HAP1: variants seen among roughly 807,000 people sequenced by gnomAD.
The protein encoded by HAP1 is huntingtin-associated protein 1.
In HAP1, 59 loss-of-function variants were observed where a neutral mutation model predicts 60.3. The observed-to-expected ratio is 0.98, with a 90% confidence interval of 0.79 to 1.22. HAP1 has a LOEUF of 1.22. HAP1 is among the 50% of genes most tolerant of loss of function. HAP1 has a pLI of 0.00. For synonymous variants in HAP1, 346 were observed against 330.6 expected, an observed-to-expected ratio of 1.05 and a Z score of -0.50; for missense variants, 825 against 785.3, an observed-to-expected ratio of 1.05 and a Z score of -0.60.
rs377677729 is a variant in HAP1, at chr17:41,724,847, T to C, written c.1714A>G (p.Met572Val). Residue 572 changes from methionine to valine, a missense_variant, in exon 11 of 11, where the codon ATG becomes GTG. Physicochemically the swap from Met to Val is conservative, Grantham distance 21 (BLOSUM62 1). Coordinates refer to ENST00000347901, the MANE Select transcript of HAP1 (RefSeq NM_177977.3). ...GCCAGCTGCTGGAGGACATAATTCA[T>C]GTCCAGGTGTGAAGGGCCCAAGCCG... The part of the protein sequence containing the change: ...ASGLGPSHLD[M>V]NYVLQQLANW... 20 of 1,613,562 alleles carry C rather than the reference T, an allele frequency of 1.2e-5. No individual in the cohort carries two copies. The highest frequency in any genetic ancestry group is 3.3e-5 in the Admixed American group (2 of 59,998).
Position 41,724,458 on chromosome 17 carries a change from C to T in HAP1, c.*243G>A. ...GAAGCAAGCGGGCAGAGATGGGAAG[C>T]TGAGGCGCAGTGTGGGGGCACAGTC... On this transcript the variant is annotated 3_prime_UTR_variant, in exon 11 of 11. Coordinates refer to ENST00000347901, the MANE Select transcript of HAP1 (RefSeq NM_177977.3). 2.0e-6 allele frequency: 1 copy of T among 508,236 alleles called. No individual in the cohort carries two copies. The highest frequency in any genetic ancestry group is 3.5e-6 in the Non-Finnish European group (1 of 284,630). 31.5% of individuals were successfully genotyped at this position (508,236 alleles called of 1,614,324 possible).
intron 6 of HAP1, 67 bp from the exon 7 acceptor site, chr17:41,728,398 C>A: frequency 6.7e-7 from 1 of 1,496,114 alleles, no homozygotes; most frequent in Non-Finnish European, 9.2e-7. Flanking sequence ...CTGGCCCTCC[C>A]AGATGCCTCT....
At position 41,728,231 on chromosome 17, in the gene HAP1, C is replaced by A; in HGVS notation, c.1170G>T (p.Gln390His). ...QQQEVARLQAQVLKLQQRCRM... is the reference protein window; with the variant it reads ...QQQEVARLQAHVLKLQQRCRM... ...GGCAGCGCTGCTGCAGCTTCAGCAC[C>A]TGGGCCTGCAGCCGAGCGACCTCCT... Residue 390 changes from glutamine (Q) to histidine (H), a missense_variant, in exon 7 of 11, where the codon CAG (glutamine) becomes CAT (histidine). By Grantham distance (24) the Gln-to-His change is conservative. Coordinates refer to ENST00000347901, the MANE Select transcript of HAP1 (RefSeq NM_177977.3). The A allele has an allele frequency of 6.2e-7, 1 of 1,613,142 alleles. No individual in the cohort carries two copies. The highest frequency in any genetic ancestry group is 8.5e-7 in the Non-Finnish European group (1 of 1,180,034).
At chr17:41,719,794 A>G (rs1911124488), downstream of HAP1, among the ~76,000 whole-genome samples, 1 of 152,236 alleles carries the variant, frequency 6.6e-6, no homozygotes, top group South Asian at 2.1e-4. Context: ...TGCATCAAAA[A>G]TCAACATTTT....
At chr17:41,718,447 T>C (rs1173985842), downstream of HAP1, among the ~76,000 whole-genome samples, 1 of 152,160 alleles carries the variant, frequency 6.6e-6, no homozygotes, top group Non-Finnish European at 1.5e-5. Context: ...TGGGCTGCCA[T>C]GTGACCCACA....
rs1271283829 is a variant in HAP1 at position 41,731,952 on chromosome 17, C to G, written c.881G>C (p.Cys294Ser). ...AGGAACTCACAGCTTAGGGGCATCA[C>G]AGGGATGAGCACACTGCAGGTCTTC... ...AEEDLQCAHPCDAPKLISQEA... is the reference protein window; with the variant it reads ...AEEDLQCAHPSDAPKLISQEA... The change falls in exon 4 of 11, where the codon TGT becomes TCT. Residue 294 changes from cysteine (C) to serine (S), a missense_variant. Physicochemically the swap from Cys to Ser is moderately radical, Grantham distance 112 (BLOSUM62 -1). Transcript: ENST00000347901. 3 of 945,198 alleles carry G rather than the reference C, an allele frequency of 3.2e-6. No individual in the cohort carries two copies. Among genetic ancestry groups the G allele is most frequent in the Non-Finnish European group, 5.1e-6 (3 of 590,328 alleles). The allele number at this position is 945,198 out of a possible 1,614,324, so 58.6% of individuals were successfully genotyped here. A position where few individuals can be genotyped will look rare whatever the true frequency, so the allele number is the denominator to read the frequency against.
Position 41,722,984 on chromosome 17 carries a change from T to C in HAP1, c.*1717A>G, listed in dbSNP as rs1342617731. On this transcript the variant is annotated 3_prime_UTR_variant, in exon 11 of 11. Coordinates refer to ENST00000347901, the MANE Select transcript of HAP1 (RefSeq NM_177977.3). ...CAGAGACACTTGTGGTTACAAACAG[T>C]AGGTAGGGACTGAGAAGAAAGGATG... The C allele has an allele frequency of 1.3e-5, 2 of 151,902 alleles. No individual in the cohort carries two copies. The highest frequency in any genetic ancestry group is 2.9e-5 in the Non-Finnish European group (2 of 68,088). 9.4% of individuals were successfully genotyped at this position (151,902 alleles called of 1,614,324 possible). A position where few individuals can be genotyped will look rare whatever the true frequency, so the allele number is the denominator to read the frequency against.
rs782398021 is a variant in HAP1, at chr17:41,732,342, T to C, written c.602A>G (p.Glu201Gly). 21 of 1,613,870 alleles carry C rather than the reference T, an allele frequency of 1.3e-5. No individual in the cohort carries two copies. The highest frequency in any genetic ancestry group is 1.7e-5 in the Non-Finnish European group (20 of 1,179,894). ...GCGAGCTGCAGTGTTCAGGTCCCTC[T>C]CTCTCTGCAGGACCATCCCATAGGT... ...SVTYGMVLQR[E>G]RDLNTAARIG... Residue 201 changes from glutamate (E) to glycine (G), a missense_variant, in exon 3 of 11, where the codon GAG (glutamate) becomes GGG (glycine). Transcript: ENST00000347901.
In HAP1 at chr17:41,734,147, C is replaced by T. The variant is rs1912495988; in HGVS notation, c.469+19G>A. On this transcript the variant is annotated intron_variant, in intron 1 of 10. Coordinates refer to ENST00000347901, the MANE Select transcript of HAP1 (RefSeq NM_177977.3). Reference sequence around the variant, plus strand: ...GCCCCAGTCCCCACCCGGTCCAGGACCCCGGGGGCCCGATTTACCTTCCTC... The same window carrying T: ...GCCCCAGTCCCCACCCGGTCCAGGATCCCGGGGGCCCGATTTACCTTCCTC... 2 of 1,554,570 alleles carry T rather than the reference C, an allele frequency of 1.3e-6. No homozygotes were observed. Among genetic ancestry groups the T allele is most frequent in the Non-Finnish European group, 1.7e-6 (2 of 1,145,564 alleles).
chr17:41,728,404 C>A, intron 6 of HAP1, 73 bp from the exon 7 acceptor site: 1 of 1,419,040 alleles, frequency 7.0e-7, no homozygotes, highest in Non-Finnish European at 9.7e-7. Context: ...CTCCCAGATG[C>A]CTCTGTCTCC....
rs139926647 is a variant in HAP1, at chr17:41,733,113, G to A, written c.470-315C>T. On this transcript the variant is annotated intron_variant, in intron 1 of 10. Transcript: ENST00000347901. ...GTCCTCCAGGCTGGAGTGCGATGGCGAGATCTCAGCTCACTGCAACGTCTG... is the reference window on the plus strand; with the variant it reads ...GTCCTCCAGGCTGGAGTGCGATGGCAAGATCTCAGCTCACTGCAACGTCTG... Among the ~76,000 whole-genome samples the A allele has an allele frequency of 1.1e-3, 155 of 143,480 alleles. 1 individual carries two copies. Among genetic ancestry groups the A allele is most frequent in the Middle Eastern group, 3.7e-3 (1 of 268 alleles). The allele number at this position is 143,480 out of a possible 152,430, so 94.1% of individuals were successfully genotyped here.
At chr17:41,728,796 C>A (rs1009012671) in intron 6 of HAP1, among the ~76,000 whole-genome samples, 4 of 152,146 alleles carry the variant, frequency 2.6e-5, no homozygotes, top group South Asian at 4.1e-4. Context: ...CAGAGGCCAT[C>A]ATAAGACACT....
At chr17:41,728,423 C>G in intron 6 of HAP1, 92 bp from the exon 7 acceptor site, 1 of 1,238,698 alleles carries the variant, frequency 8.1e-7, no homozygotes, top group East Asian at 2.5e-5. Context: ...CCCCCACCCT[C>G]GGCTGCTGCG....
At chr17:41,719,430 C>T (rs1485473572), downstream of HAP1, among the ~76,000 whole-genome samples, 3 of 152,148 alleles carry the variant, frequency 2.0e-5, no homozygotes, top group African/African-American at 4.8e-5. Flanking sequence ...CAGTGGCTCA[C>T]GTCTGTCATC....
Position 41,732,266 on chromosome 17 carries a change from G to A in HAP1, c.678C>T (p.Ser226=), listed in dbSNP as rs1555591300. The change falls in exon 3 of 11, where the codon AGC becomes AGT. Residue 226 remains serine, a synonymous_variant. Transcript: ENST00000347901. ...CTGAGCCCAGCAGGGCTTCCAGCTTGCTGTTCTCCTCCATCAAAACACTGT... is the reference window on the plus strand; with the variant it reads ...CTGAGCCCAGCAGGGCTTCCAGCTTACTGTTCTCCTCCATCAAAACACTGT... The part of the protein sequence containing the change: ...KQNSVLMEEN[S]KLEALLGSAK... 1 of 1,614,150 alleles carries A rather than the reference G, an allele frequency of 6.2e-7. No individual in the cohort carries two copies. The highest frequency in any genetic ancestry group is 2.2e-5 in the East Asian group (1 of 44,872).
Position 41,732,729 on chromosome 17 carries a change from A to G in HAP1, c.539T>C (p.Leu180Ser). Residue 180 changes from leucine to serine, a missense_variant, in exon 2 of 11, where the codon TTG becomes TCG. Physicochemically the swap from Leu to Ser is moderately radical, Grantham distance 145. Coordinates refer to ENST00000347901, the MANE Select transcript of HAP1 (RefSeq NM_177977.3). Reference sequence around the variant, plus strand: ...GAAGGCAGTACACACCTCCTCCAGCAAATATAACATCACTTTGACGTCTTC... The same window carrying G: ...GAAGGCAGTACACACCTCCTCCAGCGAATATAACATCACTTTGACGTCTTC... ...TQEDVKVMLY[L>S]LEELLPPVWE... The G allele has an allele frequency of 1.1e-5, 18 of 1,611,990 alleles. No homozygotes were observed. The highest frequency in any genetic ancestry group is 1.5e-5 in the Non-Finnish European group (18 of 1,178,004).
rs1567785647 is a variant in HAP1, at chr17:41,732,396, T to C, written c.550-2A>G. 1.2e-6 allele frequency: 2 copies of C among 1,613,632 alleles called. No homozygotes were observed. Among genetic ancestry groups the C allele is most frequent in the South Asian group, 1.1e-5 (1 of 91,018 alleles). ...GCTCTCCCAGACAGGTGGGAGAAGCTGGGGGGGACACAGGGGTCAGAGAGA... is the reference window on the plus strand; with the variant it reads ...GCTCTCCCAGACAGGTGGGAGAAGCCGGGGGGGACACAGGGGTCAGAGAGA... On this transcript the variant is annotated splice_acceptor_variant, in intron 2 of 10. Coordinates refer to ENST00000347901, the MANE Select transcript of HAP1 (RefSeq NM_177977.3). LOFTEE classifies it high-confidence loss of function.
At chr17:41,727,240 C>G in intron 8 of HAP1, 96 bp from the exon 9 acceptor site, 1 of 805,682 alleles carries the variant, frequency 1.2e-6, no homozygotes, top group Non-Finnish European at 2.3e-6. Flanking sequence ...AATCAGCCAC[C>G]AAGGCTGAGA....
At chr17:41,726,362 C>T (rs145584657) in intron 9 of HAP1, among the ~76,000 whole-genome samples, 4,830 of 147,818 alleles carry the variant, frequency 0.033, 175 homozygotes, top group African/African-American at 0.091. Flanking sequence ...TGCAGTAAGC[C>T]GAGATCACGC....
Sources: allele counts gnomAD v4.1 joint callset (sites outside exome capture counted in the v4.1 genomes callset), GRCh38; gene constraint gnomAD v4.1.1; transcripts MANE v1.5; gene names NCBI Gene and HGNC (gene_info 2026-07-23, HGNC 2026-07-21).